The following UVRAG variants were observed in gnomAD, a reference collection of about 807,000 sequenced individuals.
UVRAG encodes the protein UV radiation resistance-associated gene protein.
A neutral mutation model predicts 78.0 loss-of-function variants in UVRAG; 19 were observed. The observed-to-expected ratio is 0.24, with a 90% confidence interval of 0.17 to 0.36. The LOEUF (loss-of-function observed/expected upper bound fraction) is 0.36. UVRAG is among the 10% of genes least tolerant of loss of function. The pLI, the probability that UVRAG is intolerant of heterozygous loss-of-function variation, is 1.00. For synonymous variants in UVRAG, 323 were observed against 324.6 expected, an observed-to-expected ratio of 1.00 and a Z score of 0.05; for missense variants, 740 against 853.8, an observed-to-expected ratio of 0.87 and a Z score of 1.66.
chr11:76,047,746 A>C (rs1950787901), intron 12 of UVRAG, among the ~76,000 whole-genome samples: 1 of 152,340 alleles, frequency 6.6e-6, no homozygotes, highest in South Asian at 2.1e-4. Context: ...TATAGGACAC[A>C]TCTAATTTTT....
intron 6 of UVRAG, among the ~76,000 whole-genome samples, chr11:75,926,618 A>G (rs904546579): frequency 2.0e-5 from 3 of 152,230 alleles, no homozygotes; most frequent in African/African-American, 7.2e-5. Flanking sequence ...TATATTGTCC[A>G]GATCAAGAGA....
At chr11:75,858,062 C>T (rs1946333784) in intron 2 of UVRAG, among the ~76,000 whole-genome samples, 2 of 151,998 alleles carry the variant, frequency 1.3e-5, no homozygotes, top group South Asian at 4.1e-4. Flanking sequence ...GCTCTGTCCC[C>T]AATATGCAGA....
intron 12 of UVRAG, among the ~76,000 whole-genome samples, chr11:76,055,885 A>AT (rs1352787456): frequency 3.3e-5 from 5 of 151,882 alleles, no homozygotes; most frequent in African/African-American, 1.2e-4. Flanking sequence ...AATTTTTTGT[A>AT]TTTTTAGTAG....
chr11:75,953,909 C>T (rs1247096240), intron 6 of UVRAG, among the ~76,000 whole-genome samples: 1 of 152,086 alleles, frequency 6.6e-6, no homozygotes, highest in Non-Finnish European at 1.5e-5. Context: ...GACCACTCAC[C>T]CATATTACTA....
rs148208320 is a variant in UVRAG, at chr11:75,941,198, C to G, written c.594-20246C>G. Among the ~76,000 whole-genome samples the G allele has an allele frequency of 5.3e-3, 809 of 152,268 alleles. 5 individuals are homozygous for G. Among genetic ancestry groups the G allele is most frequent in the African/African-American group, 0.018 (767 of 41,570 alleles). On this transcript the variant is annotated intron_variant, in intron 6 of 14. Coordinates refer to ENST00000356136, the MANE Select transcript of UVRAG (RefSeq NM_003369.4). Reference sequence around the variant, plus strand: ...AAACTGCATAAAAATGCCCTTCTCACTTTGCTTTTATGAGCTACCCAAAGT... The same window carrying G: ...AAACTGCATAAAAATGCCCTTCTCAGTTTGCTTTTATGAGCTACCCAAAGT...
intron 6 of UVRAG, among the ~76,000 whole-genome samples, chr11:75,942,978 T>C (rs1948515281): frequency 6.6e-6 from 1 of 152,106 alleles, no homozygotes; most frequent in Non-Finnish European, 1.5e-5. Context: ...GGAGGCTCAC[T>C]TGAGCCCAGG....
chr11:75,988,254 T>C (rs927633441), intron 8 of UVRAG, among the ~76,000 whole-genome samples: 7 of 152,252 alleles, frequency 4.6e-5, no homozygotes, highest in African/African-American at 1.7e-4. Context: ...AAACAGCTTT[T>C]TGGCCTTGTT....
chr11:75,871,116 C>T (rs937796666), intron 3 of UVRAG, among the ~76,000 whole-genome samples: 4 of 152,114 alleles, frequency 2.6e-5, no homozygotes, highest in African/African-American at 7.2e-5. Context: ...TCAGGTGATT[C>T]GCCCACCTCG....
At chr11:75,971,297 G>A (rs867127152) in intron 7 of UVRAG, among the ~76,000 whole-genome samples, 1 of 152,194 alleles carries the variant, frequency 6.6e-6, no homozygotes, top group African/African-American at 2.4e-5. Context: ...GAATAAAGTT[G>A]TTGTAGACAT....
At position 75,890,729 on chromosome 11, in the gene UVRAG, A is replaced by C. The variant is rs112410525; in HGVS notation, c.507+1826A>C. Among the ~76,000 whole-genome samples the C allele has an allele frequency of 3.3e-3, 507 of 152,328 alleles. 1 individual carries two copies. The highest frequency in any genetic ancestry group is 8.3e-3 in the Admixed American group (127 of 15,300). ...AATGACAAACAGTCATTGGAGTCAT[A>C]AGTGGTGATAAGATGGACTAGGAAC... is the stretch of plus-strand genomic sequence containing the variant. On this transcript the variant is annotated intron_variant, in intron 5 of 14. Transcript: ENST00000356136.
chr11:76,007,536 A>C lies in UVRAG; in HGVS notation c.914A>C (p.Glu305Ala), dbSNP rs747851308. Residue 305 changes from glutamate to alanine, a missense_variant and splice_region_variant, in exon 10 of 15, where the codon GAA becomes GCA. Coordinates refer to ENST00000356136, the MANE Select transcript of UVRAG (RefSeq NM_003369.4). ...TGTATTTTTTCTTTCCTCATTAGAG[A>C]ACTCTTCTTGAAGACTAATGCTCAG... ...ELRKECTAKR[E>A]LFLKTNAQLT... The C allele has an allele frequency of 1.2e-5, 20 of 1,611,578 alleles. 1 individual carries two copies. In the South Asian group the frequency reaches 2.2e-4, roughly 18 times the overall value.
intron 7 of UVRAG, among the ~76,000 whole-genome samples, chr11:75,963,237 T>C (rs1350179689): frequency 6.6e-6 from 1 of 152,210 alleles, no homozygotes; most frequent in Admixed American, 6.5e-5. Context: ...TTGGTGTATT[T>C]CCAGCATCTA....
intron 6 of UVRAG, among the ~76,000 whole-genome samples, chr11:75,958,702 G>C (rs1413723298): frequency 6.6e-6 from 1 of 152,150 alleles, no homozygotes; most frequent in Non-Finnish European, 1.5e-5. Context: ...TGAATGTTCT[G>C]AATGGCATTC....
chr11:76,031,840 T>C (rs1045187511), intron 12 of UVRAG, among the ~76,000 whole-genome samples: 5 of 152,210 alleles, frequency 3.3e-5, no homozygotes, highest in African/African-American at 1.2e-4. Context: ...TCCCAACACA[T>C]CAGTGAGCGT....
intron 8 of UVRAG, among the ~76,000 whole-genome samples, chr11:75,986,095 T>C (rs561046057): frequency 3.0e-4 from 46 of 152,308 alleles, no homozygotes; most frequent in African/African-American, 1.0e-3. Context: ...TTGCTGGGAT[T>C]TGCTAGGATT....
chr11:75,916,880 A>G lies in UVRAG; in HGVS notation c.593+4841A>G, dbSNP rs138822080. The G allele has an allele frequency of 2.6e-5, 4 of 152,306 alleles. No homozygotes were observed. In the East Asian group the frequency reaches 7.7e-4, roughly 29 times the overall value. The allele number at this position is 152,306 out of a possible 1,614,324, so 9.4% of individuals were successfully genotyped here. Reference sequence around the variant, plus strand: ...AGACCAATTAAGCCAGTTTCTTGATATGGGCTACTTATTTGATACCAGCTG... The same window carrying G: ...AGACCAATTAAGCCAGTTTCTTGATGTGGGCTACTTATTTGATACCAGCTG... On this transcript the variant is annotated intron_variant, in intron 6 of 14. Coordinates refer to ENST00000356136, the MANE Select transcript of UVRAG (RefSeq NM_003369.4).
At chr11:75,980,525 G>A (rs1949367584) in intron 7 of UVRAG, among the ~76,000 whole-genome samples, 1 of 151,922 alleles carries the variant, frequency 6.6e-6, no homozygotes, top group South Asian at 2.1e-4. Context: ...TCAAAGAATT[G>A]GTTTATATTA....
At chr11:76,092,202 G>A (rs868717157) in intron 13 of UVRAG, among the ~76,000 whole-genome samples, 2 of 152,292 alleles carry the variant, frequency 1.3e-5, no homozygotes, top group Non-Finnish European at 2.9e-5. Flanking sequence ...ATTCCATGGT[G>A]TATATGTGCC....
At position 76,140,713 on chromosome 11, in the gene UVRAG, A is replaced by G. The variant is rs1465355512; in HGVS notation, c.1400A>G (p.Asp467Gly). The G allele has an allele frequency of 6.4e-7, 1 of 1,567,088 alleles. No homozygotes were observed. Among genetic ancestry groups the G allele is most frequent in the Non-Finnish European group, 8.6e-7 (1 of 1,160,216 alleles). The change falls in exon 15 of 15, where the codon GAC becomes GGC. Residue 467 changes from aspartate (D) to glycine (G), a missense_variant and splice_region_variant. Physicochemically the swap from Asp to Gly is moderately conservative, Grantham distance 94. Transcript: ENST00000356136. ...FMEHGLMVRC[D>G]RHHTSSAIPV... ...TCTTGTTTTTGTTTCTCTTCTAGTG[A>G]CAGACATCACACCTCCAGTGCAATC...
Sources: allele counts gnomAD v4.1 joint callset (sites outside exome capture counted in the v4.1 genomes callset), GRCh38; gene constraint gnomAD v4.1.1; transcripts MANE v1.5; gene names NCBI Gene and HGNC (gene_info 2026-07-23, HGNC 2026-07-21).